BACH2: variants seen among roughly 807,000 people sequenced by gnomAD.
BACH2 encodes BACH transcriptional regulator 2.
In BACH2, 5 loss-of-function variants were observed where a neutral mutation model predicts 61.8. The observed-to-expected ratio is 0.08, with a 90% confidence interval of 0.04 to 0.17. The LOEUF (loss-of-function observed/expected upper bound fraction) is 0.17, where lower values mean the gene tolerates loss of function less well. BACH2 is among the 10% of genes least tolerant of loss of function. The pLI, the probability that BACH2 is intolerant of heterozygous loss-of-function variation, is 1.00. For missense variants in BACH2, 824 were observed against 1,091.1 expected, an observed-to-expected ratio of 0.76 and a Z score of 3.45; for synonymous variants, 446 against 440.1, an observed-to-expected ratio of 1.01 and a Z score of -0.17.
chr6:90,184,044 G>A (rs1207812118), intron 4 of BACH2, among the ~76,000 whole-genome samples: 1 of 152,138 alleles, frequency 6.6e-6, no homozygotes, highest in Non-Finnish European at 1.5e-5. Context: ...AACCTCTATA[G>A]CTATTTCTTC....
intron 5 of BACH2, among the ~76,000 whole-genome samples, chr6:90,057,226 C>G (rs957709169): frequency 2.0e-5 from 3 of 151,982 alleles, no homozygotes; most frequent in African/African-American, 7.3e-5. Context: ...AGACTGCTAG[C>G]AAGACTAATC....
rs72923904 is a variant in BACH2 at position 89,932,774 on chromosome 6, G to C, written c.2160C>G (p.Pro720=). The C allele has an allele frequency of 6.2e-6, 10 of 1,613,872 alleles. No individual in the cohort carries two copies. In the East Asian group the frequency reaches 2.0e-4, roughly 32 times the overall value. The change falls in exon 9 of 9, where the codon CCC becomes CCG. Residue 720 remains proline (P), a synonymous_variant. Coordinates refer to ENST00000257749, the MANE Select transcript of BACH2 (RefSeq NM_021813.4). ...ACCGATGCAGGGCCTGGATCTGCTCGGGGCTCTGGATGTCTCGGCAAACTT... is the reference window on the plus strand; with the variant it reads ...ACCGATGCAGGGCCTGGATCTGCTCCGGGCTCTGGATGTCTCGGCAAACTT... The part of the protein sequence containing the change: ...SQEVCRDIQS[P]EQIQALHRYC...
chr6:90,181,247 T>C (rs1378656374), intron 4 of BACH2, among the ~76,000 whole-genome samples: 2 of 152,194 alleles, frequency 1.3e-5, no homozygotes, highest in Non-Finnish European at 2.9e-5. Context: ...GTGGTTTTAA[T>C]GCATTAACAC....
chr6:90,250,543 T>C (rs1457204708), intron 3 of BACH2, among the ~76,000 whole-genome samples: 3 of 152,210 alleles, frequency 2.0e-5, no homozygotes, highest in Admixed American at 2.0e-4. Flanking sequence ...AGCCCTGTTA[T>C]GGGCCAGATG....
chr6:90,054,412 C>T (rs1376230263), intron 5 of BACH2, among the ~76,000 whole-genome samples: 1 of 152,136 alleles, frequency 6.6e-6, no homozygotes, highest in African/African-American at 2.4e-5. Context: ...GGCAGCGAGG[C>T]TGGGGGAGGG....
At chr6:90,018,117 G>A (rs780365460) in intron 5 of BACH2, among the ~76,000 whole-genome samples, 1 of 152,144 alleles carries the variant, frequency 6.6e-6, no homozygotes, top group African/African-American at 2.4e-5. Context: ...TAGTCTGGCT[G>A]GTAGGAAATG....
intron 4 of BACH2, among the ~76,000 whole-genome samples, chr6:90,199,939 ACT>A (rs1439355644): frequency 6.6e-6 from 1 of 152,176 alleles, no homozygotes; most frequent in Non-Finnish European, 1.5e-5. Flanking sequence ...GCACAGTCTA[ACT>A]CAGTCGTTTT....
chr6:90,103,342 C>G (rs2127812943), intron 4 of BACH2, among the ~76,000 whole-genome samples: 1 of 152,080 alleles, frequency 6.6e-6, no homozygotes, highest in South Asian at 2.1e-4. Context: ...GCACCAAGAT[C>G]CCAGGGAGTA....
intron 4 of BACH2, among the ~76,000 whole-genome samples, chr6:90,114,846 A>T (rs907833175): frequency 1.3e-5 from 2 of 152,170 alleles, no homozygotes; most frequent in African/African-American, 4.8e-5. Context: ...AGGTACAAAA[A>T]TCACTAGCAT....
At chr6:90,032,013 G>A (rs1180051484) in intron 5 of BACH2, among the ~76,000 whole-genome samples, 1 of 152,152 alleles carries the variant, frequency 6.6e-6, no homozygotes, top group Non-Finnish European at 1.5e-5. Flanking sequence ...CAGACATATA[G>A]ACCAATGGAA....
At chr6:90,041,521 A>T (rs1297987620) in intron 5 of BACH2, among the ~76,000 whole-genome samples, 3 of 152,030 alleles carry the variant, frequency 2.0e-5, no homozygotes, top group African/African-American at 7.2e-5. Flanking sequence ...GTTATGGTAC[A>T]CTGTTCTTTC....
chr6:89,935,781 T>C (rs1376387296), intron 8 of BACH2, among the ~76,000 whole-genome samples: 7 of 152,128 alleles, frequency 4.6e-5, no homozygotes, highest in Admixed American at 4.6e-4. Flanking sequence ...ACCAGGCATT[T>C]CTCAAATGTG....
At chr6:90,067,407 C>T (rs1349926566) in intron 5 of BACH2, among the ~76,000 whole-genome samples, 2 of 152,106 alleles carry the variant, frequency 1.3e-5, no homozygotes, top group African/African-American at 2.4e-5. Flanking sequence ...TAGTGAGGTG[C>T]TGCTGAAGGA....
At chr6:90,002,321 T>C (rs1158455573) in intron 6 of BACH2, among the ~76,000 whole-genome samples, 1 of 152,196 alleles carries the variant, frequency 6.6e-6, no homozygotes, top group African/African-American at 2.4e-5. Flanking sequence ...TCCTTGGTGA[T>C]CGTATGTAGT....
At chr6:90,101,361 T>C (rs1383343811) in intron 4 of BACH2, among the ~76,000 whole-genome samples, 4 of 152,246 alleles carry the variant, frequency 2.6e-5, no homozygotes. Context: ...CTAAGAGTTT[T>C]AGAATTTTTG....
chr6:90,131,357 G>A (rs192929002), intron 4 of BACH2, among the ~76,000 whole-genome samples: 3 of 152,294 alleles, frequency 2.0e-5, no homozygotes, highest in African/African-American at 7.2e-5. Flanking sequence ...TACACTGCCG[G>A]CTGGCTTCAA....
chr6:90,100,174 T>C (rs1782552514), intron 4 of BACH2, among the ~76,000 whole-genome samples: 1 of 152,266 alleles, frequency 6.6e-6, no homozygotes, highest in African/African-American at 2.4e-5. Context: ...TATCCATTTA[T>C]ATCAGTTGAT....
At chr6:89,935,126 A>G (rs1467001245) in intron 8 of BACH2, among the ~76,000 whole-genome samples, 1 of 152,100 alleles carries the variant, frequency 6.6e-6, no homozygotes. Context: ...GAGTGAGTGC[A>G]GGGCCTGCTG....
intron 4 of BACH2, among the ~76,000 whole-genome samples, chr6:90,121,924 G>T (rs965661936): frequency 5.3e-5 from 8 of 152,158 alleles, no homozygotes; most frequent in African/African-American, 1.9e-4. Flanking sequence ...TAGTGATTCT[G>T]CCTTTTGCCC....
Sources: gnomAD v4.1 joint callset for allele counts (sites outside exome capture counted in the v4.1 genomes callset) on GRCh38, gnomAD v4.1.1 for gene constraint, MANE v1.5 for transcripts, NCBI Gene and HGNC (gene_info 2026-07-23, HGNC 2026-07-21) for gene names.